Variants in TRRAP observed in about 807,000 individuals in gnomAD.
TRRAP encodes the protein transformation/transcription domain associated protein, also known as transformation/transcription domain-associated protein.
TRRAP carries 41 observed loss-of-function variants against 438.8 expected under a neutral mutation model. The ratio of observed to expected loss-of-function variants is 0.09; its 90% CI spans 0.07 to 0.12. TRRAP has a LOEUF of 0.12. Ranked by LOEUF, TRRAP falls within the 10% of genes least tolerant of loss-of-function variation. The pLI is 1.00. For synonymous variants in TRRAP, 1,994 were observed against 1,962.9 expected, an observed-to-expected ratio of 1.02 and a Z score of -0.42; for missense variants, 3,122 against 5,055.1, an observed-to-expected ratio of 0.62 and a Z score of 11.60.
chr7:98,991,068 A>T (rs113328231), intron 64 of TRRAP, among the ~76,000 whole-genome samples: 21 of 152,196 alleles, frequency 1.4e-4, no homozygotes, highest in Admixed American at 1.4e-3. Context: ...GTTGAGCTGC[A>T]TCATAAGGAA....
intron 14 of TRRAP, among the ~76,000 whole-genome samples, chr7:98,909,335 T>G (rs782291110): frequency 1.1e-4 from 16 of 152,142 alleles, no homozygotes; most frequent in Non-Finnish European, 2.4e-4. Flanking sequence ...GTGGCCAAAC[T>G]TGAACCAGTG....
intron 31 of TRRAP, among the ~76,000 whole-genome samples, chr7:98,943,877 CT>C (rs1349372750): frequency 2.6e-5 from 4 of 152,106 alleles, no homozygotes; most frequent in Admixed American, 6.5e-5. Flanking sequence ...CCTCGTGTGC[CT>C]TTGCTGGATG....
intron 25 of TRRAP, 124 bp downstream of exon 25, chr7:98,930,954 T>A: frequency 7.9e-7 from 1 of 1,265,450 alleles, no homozygotes; most frequent in Non-Finnish European, 1.1e-6. Flanking sequence ...ATACTCAGAT[T>A]TCATTTCAGC....
At chr7:98,882,502 A>C (rs1554403294) in intron 3 of TRRAP, among the ~76,000 whole-genome samples, 2 of 151,098 alleles carry the variant, frequency 1.3e-5, no homozygotes, top group Non-Finnish European at 2.9e-5. Context: ...AGCTGAGACT[A>C]TAGGTGCCTG....
At chr7:98,884,695 A>T (rs1405421173) in intron 3 of TRRAP, among the ~76,000 whole-genome samples, 1 of 152,036 alleles carries the variant, frequency 6.6e-6, no homozygotes, top group Non-Finnish European at 1.5e-5. Context: ...GATTCCAGCC[A>T]CTTTAGCTCT....
Position 99,011,961 on chromosome 7 carries a change from C to A in TRRAP, c.11338-110C>A. Reference sequence around the variant, plus strand: ...GGCCTGGTGCTGAAACTCGACTGGCCCTTGGTGGCCCTGAGCGGCCGCTGT... The same window carrying A: ...GGCCTGGTGCTGAAACTCGACTGGCACTTGGTGGCCCTGAGCGGCCGCTGT... On this transcript the variant is annotated intron_variant, in intron 72 of 72. Transcript: ENST00000456197. The surrounding 1 kb of genome is among the most constrained non-coding windows in gnomAD (Gnocchi z 7.1). The A allele has an allele frequency of 7.1e-7, 1 of 1,399,690 alleles. No individual in the cohort carries two copies. Among genetic ancestry groups the A allele is most frequent in the Non-Finnish European group, 9.7e-7 (1 of 1,031,396 alleles). The allele number at this position is 1,399,690 out of a possible 1,614,324, so 86.7% of individuals were successfully genotyped here.
chr7:98,977,815 G>A (rs1023662979), intron 56 of TRRAP, among the ~76,000 whole-genome samples: 9 of 152,244 alleles, frequency 5.9e-5, no homozygotes, highest in Non-Finnish European at 1.3e-4. Flanking sequence ...GATGGAGAAA[G>A]TAATCCCACG....
chr7:98,957,228 A>C (rs740218), intron 43 of TRRAP, among the ~76,000 whole-genome samples: 136,308 of 152,220 alleles, frequency 0.9, 61,097 homozygotes, highest in South Asian at 0.93. Flanking sequence ...TCACCCCTCG[A>C]AGTAACCAGA....
chr7:98,879,008 C>T (rs957205085), intron 1 of TRRAP, among the ~76,000 whole-genome samples: 3 of 152,076 alleles, frequency 2.0e-5, no homozygotes, highest in Non-Finnish European at 4.4e-5. Flanking sequence ...CCGGAGGCGC[C>T]CCCCGGCCAA....
chr7:98,885,776 G>T (rs1554403872), intron 3 of TRRAP, among the ~76,000 whole-genome samples: 1 of 152,154 alleles, frequency 6.6e-6, no homozygotes, highest in African/African-American at 2.4e-5. Context: ...CAGGTTTGTT[G>T]GAGAGGCTGA....
At chr7:98,958,614 T>A (rs567877458) in intron 44 of TRRAP, among the ~76,000 whole-genome samples, 22 of 152,286 alleles carry the variant, frequency 1.4e-4, no homozygotes, top group African/African-American at 4.8e-4. Flanking sequence ...AGGATTTTTT[T>A]AAAAAGCATT....
At chr7:98,915,630 A>G (rs1394462351) in intron 18 of TRRAP, 93 bp from the exon 19 acceptor site, 5 of 1,469,228 alleles carry the variant, frequency 3.4e-6, no homozygotes, top group East Asian at 2.3e-5. Flanking sequence ...ATTGCCTTCC[A>G]TTGCTGTCGG....
chr7:98,930,544 C>G, intron 24 of TRRAP, 89 bp from the exon 25 acceptor site: 1 of 1,538,304 alleles, frequency 6.5e-7, no homozygotes, highest in Non-Finnish European at 8.9e-7. Context: ...CACCATTGCA[C>G]TCCGGCCTGG....
At chr7:98,917,173 A>T (rs1554409649) in intron 19 of TRRAP, among the ~76,000 whole-genome samples, 1 of 152,208 alleles carries the variant, frequency 6.6e-6, no homozygotes, top group African/African-American at 2.4e-5. Flanking sequence ...TATTAAAAGG[A>T]TATAGTACTA....
chr7:98,938,157 G>A (rs1370172925), intron 30 of TRRAP, among the ~76,000 whole-genome samples: 3 of 151,986 alleles, frequency 2.0e-5, no homozygotes, highest in South Asian at 2.1e-4. Flanking sequence ...CCTGGGCAAC[G>A]AGTGAAACTC....
At chr7:98,895,540 T>G (rs782104128) in intron 6 of TRRAP, among the ~76,000 whole-genome samples, 17 of 152,268 alleles carry the variant, frequency 1.1e-4, no homozygotes, top group Non-Finnish European at 2.2e-4. Flanking sequence ...TTCAACTCTT[T>G]GCTCTTCCTG....
intron 3 of TRRAP, among the ~76,000 whole-genome samples, chr7:98,885,879 T>C (rs1795674983): frequency 6.6e-6 from 1 of 152,192 alleles, no homozygotes; most frequent in South Asian, 2.1e-4. Context: ...TATCTGTAAA[T>C]ATCTGACCCT....
intron 12 of TRRAP, among the ~76,000 whole-genome samples, chr7:98,904,879 C>T (rs782482683): frequency 2.6e-5 from 4 of 152,186 alleles, no homozygotes; most frequent in Non-Finnish European, 4.4e-5. Flanking sequence ...ACAGTTAAAA[C>T]GTCCACTTCC....
At chr7:98,971,648 T>C in intron 52 of TRRAP, 151 bp from the exon 53 acceptor site, 1 of 954,602 alleles carries the variant, frequency 1.0e-6, no homozygotes, top group East Asian at 2.4e-5. Flanking sequence ...TTGTTTATTT[T>C]AGGATTGAAG....
Sources: allele counts gnomAD v4.1 joint callset (sites outside exome capture counted in the v4.1 genomes callset), GRCh38; gene constraint gnomAD v4.1.1; non-coding constraint Gnocchi (gnomAD v3.1); transcripts MANE v1.5; gene names NCBI Gene and HGNC (gene_info 2026-07-23, HGNC 2026-07-21).